SPOCK3: variants seen among roughly 807,000 people sequenced by gnomAD.
SPOCK3 encodes testican-3.
In SPOCK3, 30 loss-of-function variants were observed where a neutral mutation model predicts 56.6. The observed-to-expected ratio is 0.53, with a 90% confidence interval of 0.40 to 0.72. SPOCK3 has a LOEUF of 0.72. SPOCK3 is among the 30% of genes least tolerant of loss of function. The pLI is 0.00. For synonymous variants in SPOCK3, 196 were observed against 183.3 expected (o/e 1.07, Z -0.56); for missense variants, 527 against 530.0 (o/e 0.99, Z 0.06).
At chr4:166,808,053 C>T (rs1485411189) in intron 6 of SPOCK3, among the ~76,000 whole-genome samples, 1 of 152,122 alleles carries the variant, frequency 6.6e-6, no homozygotes, top group African/African-American at 2.4e-5. Context: ...TTTACCTTAA[C>T]AGGGACTCAA....
chr4:166,767,032 A>G (rs1738181337), intron 7 of SPOCK3, among the ~76,000 whole-genome samples: 1 of 151,940 alleles, frequency 6.6e-6, no homozygotes, highest in South Asian at 2.1e-4. Flanking sequence ...ATCGGTGGTG[A>G]TATCCCCTTT....
intron 3 of SPOCK3, among the ~76,000 whole-genome samples, chr4:167,060,782 T>G (rs895794831): frequency 4.0e-5 from 6 of 151,860 alleles, no homozygotes; most frequent in Non-Finnish European, 7.4e-5. Flanking sequence ...GGTTTGGGGG[T>G]TCAGACTGAC....
chr4:166,743,855 G>A (rs1163968918), intron 8 of SPOCK3, among the ~76,000 whole-genome samples: 1 of 152,204 alleles, frequency 6.6e-6, no homozygotes, highest in Non-Finnish European at 1.5e-5. Context: ...TTTGCTCACT[G>A]CTAGCACAGC....
chr4:167,196,201 A>G (rs1732934484), intron 2 of SPOCK3, among the ~76,000 whole-genome samples: 1 of 152,190 alleles, frequency 6.6e-6, no homozygotes, highest in Non-Finnish European at 1.5e-5. Context: ...TTTAATGCCT[A>G]GCACCCTGGT....
chr4:166,876,805 G>T (rs1733134972), intron 6 of SPOCK3, among the ~76,000 whole-genome samples: 1 of 152,108 alleles, frequency 6.6e-6, no homozygotes, highest in South Asian at 2.1e-4. Flanking sequence ...AAGTCGAGAT[G>T]AATGAGCAGA....
intron 2 of SPOCK3, among the ~76,000 whole-genome samples, chr4:167,088,461 CTTTTTTTTTTT>C: frequency 9.0e-6 from 1 of 111,116 alleles, no homozygotes; most frequent in East Asian, 2.5e-4. Flanking sequence ...CCTATGAAAA[CTTTTTTTTTTT>C]TTTTTTTTTT....
intron 2 of SPOCK3, among the ~76,000 whole-genome samples, chr4:167,087,117 T>C (rs946304891): frequency 2.6e-5 from 4 of 152,144 alleles, no homozygotes; most frequent in Non-Finnish European, 5.9e-5. Flanking sequence ...TCTTAGATAA[T>C]GCTTACTCTG....
rs564007947 is a variant in SPOCK3 at position 166,734,277 on chromosome 4, T to C, written c.*644A>G. 1 of 151,948 alleles carries C rather than the reference T, an allele frequency of 6.6e-6. No homozygotes were observed. Among genetic ancestry groups the C allele is most frequent in the African/African-American group, 2.4e-5 (1 of 41,546 alleles). 9.4% of individuals were successfully genotyped at this position (151,948 alleles called of 1,614,324 possible). On this transcript the variant is annotated 3_prime_UTR_variant, in exon 11 of 11. Coordinates refer to ENST00000357545, the MANE Select transcript of SPOCK3 (RefSeq NM_001040159.2). ...TACACATTGGGGAGAACAACTAAAT[T>C]TTTAACTTTCAGAATCCATGGTTTT... is the stretch of plus-strand genomic sequence containing the variant.
At chr4:166,775,167 G>C (rs1739386842) in intron 7 of SPOCK3, among the ~76,000 whole-genome samples, 3 of 152,220 alleles carry the variant, frequency 2.0e-5, no homozygotes, top group Middle Eastern at 3.4e-3. Context: ...TATGGTCAGA[G>C]CATGATTAAT....
chr4:166,952,399 G>A (rs184713023), intron 4 of SPOCK3, among the ~76,000 whole-genome samples: 3,328 of 152,224 alleles, frequency 0.022, 112 homozygotes, highest in African/African-American at 0.073. Context: ...CCTCTTCAAG[G>A]AGAACTACAA....
chr4:167,124,578 A>G (rs1270138150), intron 2 of SPOCK3, among the ~76,000 whole-genome samples: 1 of 152,004 alleles, frequency 6.6e-6, no homozygotes, highest in African/African-American at 2.4e-5. Context: ...TATCCTGTCA[A>G]CAGCGTAACC....
At chr4:167,093,676 G>C (rs914241241) in intron 2 of SPOCK3, among the ~76,000 whole-genome samples, 5 of 152,080 alleles carry the variant, frequency 3.3e-5, no homozygotes, top group Non-Finnish European at 5.9e-5. Flanking sequence ...GCCACATTTT[G>C]TTTTTCCAGT....
At chr4:167,062,405 G>C (rs1480397902) in intron 3 of SPOCK3, 87 bp downstream of exon 3, 5 of 1,016,204 alleles carry the variant, frequency 4.9e-6, no homozygotes, top group Non-Finnish European at 7.3e-6. Context: ...GTATTTTCAA[G>C]CCTAACCAGA....
chr4:167,085,745 T>C (rs1758135922), intron 2 of SPOCK3, among the ~76,000 whole-genome samples: 1 of 152,120 alleles, frequency 6.6e-6, no homozygotes, highest in Admixed American at 6.6e-5. Flanking sequence ...AGTCCATTTT[T>C]ATAAGGCCCT....
Position 167,106,293 on chromosome 4 carries a change from C to A in SPOCK3, c.190-43756G>T, listed in dbSNP as rs140373898. 7.1e-3 allele frequency among the ~76,000 whole-genome samples: 1,071 copies of A among 151,840 alleles called. 18 individuals are homozygous for A. Among genetic ancestry groups the A allele is most frequent in the African/African-American group, 0.024 (1,010 of 41,450 alleles). Reference sequence around the variant, plus strand: ...AAATAATATCAAACATCTTCTCTGACCACAATGCAATAAAACTAGAAATCA... The same window carrying A: ...AAATAATATCAAACATCTTCTCTGAACACAATGCAATAAAACTAGAAATCA... On this transcript the variant is annotated intron_variant, in intron 2 of 10. Coordinates refer to ENST00000357545, the MANE Select transcript of SPOCK3 (RefSeq NM_001040159.2).
chr4:167,100,594 A>T (rs1759557189), intron 2 of SPOCK3, among the ~76,000 whole-genome samples: 2 of 152,076 alleles, frequency 1.3e-5, no homozygotes, highest in Non-Finnish European at 2.9e-5. Flanking sequence ...CTTCTGCATT[A>T]AAAATATGCA....
chr4:167,016,049 C>T (rs920612915), intron 3 of SPOCK3, among the ~76,000 whole-genome samples: 7 of 152,032 alleles, frequency 4.6e-5, no homozygotes, highest in African/African-American at 9.7e-5. Flanking sequence ...TCACTTTCTT[C>T]GGGTTGTAAA....
chr4:166,797,935 T>C (rs1269363497), intron 6 of SPOCK3, among the ~76,000 whole-genome samples: 1 of 152,146 alleles, frequency 6.6e-6, no homozygotes, highest in Non-Finnish European at 1.5e-5. Flanking sequence ...AAATGCTGCA[T>C]AACAATGTTT....
intron 4 of SPOCK3, among the ~76,000 whole-genome samples, chr4:166,993,890 G>A (rs569446381): frequency 4.9e-4 from 74 of 152,244 alleles, no homozygotes; most frequent in Admixed American, 7.9e-4. Context: ...AGCAAATTAT[G>A]TCTTTAATTC....
Sources: allele counts gnomAD v4.1 joint callset (sites outside exome capture counted in the v4.1 genomes callset), GRCh38; gene constraint gnomAD v4.1.1; transcripts MANE v1.5; gene names NCBI Gene and HGNC (gene_info 2026-07-23, HGNC 2026-07-21).